Variants in TNR observed in about 807,000 individuals in gnomAD.
The protein encoded by TNR is tenascin R.
In TNR, 45 loss-of-function variants were observed where a neutral mutation model predicts 150.4. The ratio of observed to expected loss-of-function variants is 0.30; its 90% CI spans 0.24 to 0.38. The LOEUF is 0.38. Among genes scored for constraint, TNR ranks in the 10% least tolerant of loss-of-function variants. TNR has a pLI of 1.00. For missense variants in TNR, 1,544 were observed against 1,759.1 expected, an observed-to-expected ratio of 0.88 and a Z score of 2.19; for synonymous variants, 687 against 678.4, an observed-to-expected ratio of 1.01 and a Z score of -0.20.
intron 2 of TNR, among the ~76,000 whole-genome samples, chr1:175,484,308 C>T (rs1657923745): frequency 6.6e-6 from 1 of 152,198 alleles, no homozygotes; most frequent in African/African-American, 2.4e-5. Context: ...TCCTCTTCCT[C>T]CTTTTCTGTC....
intron 2 of TNR, among the ~76,000 whole-genome samples, chr1:175,444,251 C>T (rs1571448254): frequency 6.6e-6 from 1 of 152,208 alleles, no homozygotes; most frequent in Admixed American, 6.5e-5. Flanking sequence ...AGGAGGGACC[C>T]CTGCAAGATG....
intron 1 of TNR, among the ~76,000 whole-genome samples, chr1:175,742,996 C>A (rs1024965569): frequency 3.8e-5 from 5 of 131,882 alleles, no homozygotes; most frequent in South Asian, 4.6e-4. Context: ...ACACACACAC[C>A]CGCAAGGCCA....
intron 7 of TNR, among the ~76,000 whole-genome samples, chr1:175,390,091 AACCTTGGTGC>A (rs1256796830): frequency 6.6e-6 from 1 of 152,230 alleles, no homozygotes; most frequent in African/African-American, 2.4e-5. Flanking sequence ...ACTGCCATAG[AACCTTGGTGC>A]ACTAATGGAA....
At chr1:175,552,874 T>C (rs1365295798) in intron 1 of TNR, among the ~76,000 whole-genome samples, 1 of 152,212 alleles carries the variant, frequency 6.6e-6, no homozygotes, top group Non-Finnish European at 1.5e-5. Context: ...ATTTGAACAC[T>C]GAGCCTAATC....
chr1:175,468,745 G>T lies in TNR; in HGVS notation c.-64+59524C>A, dbSNP rs144532212. ...ATCAGCATGGTGTGTTTAAAGACCCGCAGGTGCTTCAGTGTGGCTGGAGCC... is the reference window on the plus strand; with the variant it reads ...ATCAGCATGGTGTGTTTAAAGACCCTCAGGTGCTTCAGTGTGGCTGGAGCC... On this transcript the variant is annotated intron_variant, in intron 2 of 22. Coordinates refer to ENST00000367674, the MANE Select transcript of TNR (RefSeq NM_003285.3). 9.1e-3 allele frequency among the ~76,000 whole-genome samples: 1,393 copies of T among 152,296 alleles called. 10 individuals carry two copies. Among genetic ancestry groups the T allele is most frequent in the Middle Eastern group, 0.044 (13 of 294 alleles).
intron 1 of TNR, among the ~76,000 whole-genome samples, chr1:175,649,633 G>A (rs1457122942): frequency 6.6e-6 from 1 of 152,046 alleles, no homozygotes; most frequent in African/African-American, 2.4e-5. Flanking sequence ...CTTCACCCAG[G>A]CATCACTTCT....
chr1:175,362,416 T>A (rs1413160401), intron 14 of TNR, among the ~76,000 whole-genome samples: 1 of 152,238 alleles, frequency 6.6e-6, no homozygotes, highest in Non-Finnish European at 1.5e-5. Flanking sequence ...GCACTGTTTA[T>A]GTTGGAAGTT....
intron 1 of TNR, among the ~76,000 whole-genome samples, chr1:175,678,818 T>C (rs80082189): frequency 3.9e-5 from 6 of 152,216 alleles, no homozygotes; most frequent in Admixed American, 6.5e-5. Context: ...CTGGGGCCTG[T>C]GGCCCTGCCC....
At chr1:175,594,846 G>C (rs1662943852) in intron 1 of TNR, among the ~76,000 whole-genome samples, 1 of 142,024 alleles carries the variant, frequency 7.0e-6, no homozygotes, top group Non-Finnish European at 1.5e-5. Flanking sequence ...AACAGAGTGA[G>C]ACCTTGTTTC....
intron 1 of TNR, among the ~76,000 whole-genome samples, chr1:175,545,663 A>T (rs1446133823): frequency 6.6e-6 from 1 of 152,230 alleles, no homozygotes; most frequent in Admixed American, 6.5e-5. Flanking sequence ...AATTTATTTG[A>T]TCTTCAAAGC....
At chr1:175,455,407 A>C (rs966438557) in intron 2 of TNR, among the ~76,000 whole-genome samples, 15 of 152,234 alleles carry the variant, frequency 9.9e-5, no homozygotes, top group African/African-American at 3.4e-4. Context: ...AACCTTACAA[A>C]GCATCTAGCT....
Position 175,362,650 on chromosome 1 carries a change from G to T in TNR, c.2854+13C>A. 3.1e-6 allele frequency: 5 copies of T among 1,611,350 alleles called. No homozygotes were observed. Among genetic ancestry groups the T allele is most frequent in the Non-Finnish European group, 4.2e-6 (5 of 1,177,738 alleles). On this transcript the variant is annotated intron_variant, in intron 14 of 22. Coordinates refer to ENST00000367674, the MANE Select transcript of TNR (RefSeq NM_003285.3). ...CAGGGTTCTGACTTGACACAGCAGG[G>T]AGACATTCCCACCTGTGTGCACAAG...
intron 1 of TNR, among the ~76,000 whole-genome samples, chr1:175,738,496 G>A (rs1667835617): frequency 6.6e-6 from 1 of 152,192 alleles, no homozygotes; most frequent in Non-Finnish European, 1.5e-5. Flanking sequence ...GGAAGAAGTT[G>A]CCAAGGGCTG....
At chr1:175,472,344 T>C (rs2102118541) in intron 2 of TNR, among the ~76,000 whole-genome samples, 1 of 152,234 alleles carries the variant, frequency 6.6e-6, no homozygotes, top group Middle Eastern at 3.4e-3. Flanking sequence ...TGTTCTACAT[T>C]AACTTTAAAA....
At chr1:175,551,092 T>A (rs1311946332) in intron 1 of TNR, among the ~76,000 whole-genome samples, 1 of 152,118 alleles carries the variant, frequency 6.6e-6, no homozygotes, top group Non-Finnish European at 1.5e-5. Context: ...TGAAAATTAT[T>A]AAAGAAATAT....
intron 1 of TNR, among the ~76,000 whole-genome samples, chr1:175,580,171 C>A (rs1333138210): frequency 6.6e-6 from 1 of 152,144 alleles, no homozygotes; most frequent in African/African-American, 2.4e-5. Flanking sequence ...TGAGGTGTGG[C>A]CAATTATTTT....
At chr1:175,477,711 T>A (rs137929770) in intron 2 of TNR, among the ~76,000 whole-genome samples, 48 of 152,196 alleles carry the variant, frequency 3.2e-4, no homozygotes, top group Middle Eastern at 3.4e-3. Flanking sequence ...GAGGAAAGCA[T>A]TTGGGAGAAA....
At chr1:175,480,750 C>A (rs1274483966) in intron 2 of TNR, among the ~76,000 whole-genome samples, 2 of 152,198 alleles carry the variant, frequency 1.3e-5, no homozygotes, top group African/African-American at 2.4e-5. Context: ...AACATATCCT[C>A]CAAAGCCACT....
chr1:175,387,179 T>C (rs1181331546), intron 7 of TNR, among the ~76,000 whole-genome samples: 2 of 152,136 alleles, frequency 1.3e-5, no homozygotes, highest in South Asian at 2.1e-4. Flanking sequence ...TGAGGGAATG[T>C]AGAAGAAGAA....
Sources: gnomAD v4.1 joint callset for allele counts (sites outside exome capture counted in the v4.1 genomes callset) on GRCh38, gnomAD v4.1.1 for gene constraint, MANE v1.5 for transcripts, NCBI Gene and HGNC (gene_info 2026-07-23, HGNC 2026-07-21) for gene names.